Variants in SLC2A10 observed in about 807,000 individuals in gnomAD.
The protein encoded by SLC2A10 is solute carrier family 2, facilitated glucose transporter member 10.
SLC2A10 carries 25 observed loss-of-function variants against 32.1 expected under a neutral mutation model. That is an observed-to-expected ratio of 0.78 (90% CI 0.57 to 1.09). SLC2A10 has a LOEUF of 1.09. SLC2A10 is among the 50% of genes least tolerant of loss of function. SLC2A10 has a pLI of 0.00. For synonymous variants in SLC2A10, 332 were observed against 309.6 expected (o/e 1.07, Z -0.76); for missense variants, 673 against 686.5 (o/e 0.98, Z 0.22).
upstream of SLC2A10, chr20:46,709,338 T>G (rs1389843908): frequency 3.6e-6 from 1 of 278,318 alleles, no homozygotes; most frequent in Non-Finnish European, 6.6e-6. Context: ...GGGCACCTCT[T>G]CCCTGCAAAG....
chr20:46,724,463 T>C (rs1979728554), intron 1 of SLC2A10, among the ~76,000 whole-genome samples: 1 of 152,072 alleles, frequency 6.6e-6, no homozygotes, highest in African/African-American at 2.4e-5. Flanking sequence ...AATTAAGGTA[T>C]AGATAAATGG....
intron 3 of SLC2A10, among the ~76,000 whole-genome samples, chr20:46,727,859 AT>A (rs1240652556): frequency 1.3e-5 from 2 of 152,014 alleles, no homozygotes; most frequent in Non-Finnish European, 2.9e-5. Flanking sequence ...GGGTTCAGTT[AT>A]TTTCCTATTC....
Position 46,729,463 on chromosome 20 carries a change from A to G in SLC2A10, c.1522A>G (p.Ile508Val), listed in dbSNP as rs1176369590. The G allele has an allele frequency of 1.2e-6, 2 of 1,613,900 alleles. No individual in the cohort carries two copies. The highest frequency in any genetic ancestry group is 1.7e-5 in the Admixed American group (1 of 60,000). ...AACAAAAGGCCAGTCGTTGGCAGAG[A>G]TAGACCAGCAGTTCCAGAAGAGACG... Reference protein sequence around the residue: ...PETKGQSLAEIDQQFQKRRFT... With the variant: ...PETKGQSLAEVDQQFQKRRFT... Residue 508 changes from isoleucine (I) to valine (V), a missense_variant, in exon 4 of 5, where the codon ATA becomes GTA. Ile to Val is a conservative substitution (Grantham distance 29). Transcript: ENST00000359271.
rs745766872 is a variant in SLC2A10 at position 46,725,999 on chromosome 20, G to A, written c.963G>A (p.Val321=). 2 of 1,613,790 alleles carry A rather than the reference G, an allele frequency of 1.2e-6. No individual in the cohort carries two copies. The highest frequency in any genetic ancestry group is 8.5e-7 in the Non-Finnish European group (1 of 1,180,046). The change falls in exon 2 of 5, where the codon GTG becomes GTA. Residue 321 remains valine, a synonymous_variant. Coordinates refer to ENST00000359271, the MANE Select transcript of SLC2A10 (RefSeq NM_030777.4). ...GCATAGGCCTCGTCAGCTTTGCCGT[G>A]CCCATGGACTCAGGCCCAAGCTGTC... The part of the protein sequence containing the change: ...VSGIGLVSFA[V]PMDSGPSCLA...
chr20:46,709,710 C>T lies in SLC2A10; in HGVS notation c.-27C>T, dbSNP rs149481442. 22,236 of 1,541,988 alleles carry T rather than the reference C, an allele frequency of 0.014. 187 individuals are homozygous for T. Among genetic ancestry groups the T allele is most frequent in the Middle Eastern group, 0.022 (100 of 4,614 alleles). On this transcript the variant is annotated 5_prime_UTR_variant, in exon 1 of 5. Coordinates refer to ENST00000359271, the MANE Select transcript of SLC2A10 (RefSeq NM_030777.4). ...ATGCGCGCCCGGCCCCTCAGCGCCCCCAGCACGCCGCCGAGTCCCGCTCGC... is the reference window on the plus strand; with the variant it reads ...ATGCGCGCCCGGCCCCTCAGCGCCCTCAGCACGCCGCCGAGTCCCGCTCGC...
At position 46,733,759 on chromosome 20, in the gene SLC2A10, C is replaced by G; in HGVS notation, c.1551C>G (p.Phe517Leu). Reference sequence around the variant, plus strand: ...CCACGCATTCTTTGTCTGACAGGTTCACCCTGAGCTTTGGCCACAGGCAGA... The same window carrying G: ...CCACGCATTCTTTGTCTGACAGGTTGACCCTGAGCTTTGGCCACAGGCAGA... ...EIDQQFQKRR[F>L]TLSFGHRQNS... The change falls in exon 5 of 5, where the codon TTC (phenylalanine) becomes TTG (leucine). Residue 517 changes from phenylalanine (F) to leucine (L), a missense_variant. By Grantham distance (22) the Phe-to-Leu change is conservative (BLOSUM62 0). Transcript: ENST00000359271. 6.2e-7 allele frequency: 1 copy of G among 1,614,024 alleles called. No homozygotes were observed. Among genetic ancestry groups the G allele is most frequent in the East Asian group, 2.2e-5 (1 of 44,880 alleles).
At chr20:46,721,478 T>C (rs888235664) in intron 1 of SLC2A10, among the ~76,000 whole-genome samples, 1 of 151,908 alleles carries the variant, frequency 6.6e-6, no homozygotes, top group Non-Finnish European at 1.5e-5. Context: ...TTGCAGGTTT[T>C]TCCATGAGTC....
intron 1 of SLC2A10, among the ~76,000 whole-genome samples, chr20:46,721,917 C>T (rs961056838): frequency 3.3e-5 from 5 of 152,178 alleles, no homozygotes; most frequent in Admixed American, 1.3e-4. Flanking sequence ...GGAAAAGATT[C>T]CAGGCAGACA....
In SLC2A10 at chr20:46,726,876, T is replaced by C. The variant is rs1323271310; in HGVS notation, c.1301T>C (p.Val434Ala). ...TCTCCCACCCTAGTGACCTGGCTTG[T>C]CCTCAGCGAGATCTACCCTGTGGAG... ...SFGFGPVTWL[V>A]LSEIYPVEIR... Residue 434 changes from valine to alanine, a missense_variant, in exon 3 of 5, where the codon GTC becomes GCC. Coordinates refer to ENST00000359271, the MANE Select transcript of SLC2A10 (RefSeq NM_030777.4). 6.3e-7 allele frequency: 1 copy of C among 1,599,020 alleles called. No individual in the cohort carries two copies. The highest frequency in any genetic ancestry group is 1.1e-5 in the South Asian group (1 of 90,536).
Position 46,726,196 on chromosome 20 carries a change from C to T in SLC2A10, c.1160C>T (p.Pro387Leu). 2 of 1,614,210 alleles carry T rather than the reference C, an allele frequency of 1.2e-6. No homozygotes were observed. The highest frequency in any genetic ancestry group is 1.1e-5 in the South Asian group (1 of 91,090). Residue 387 changes from proline (P) to leucine (L), a missense_variant, in exon 2 of 5, where the codon CCT becomes CTT. Physicochemically the swap from Pro to Leu is moderately conservative, Grantham distance 98 (BLOSUM62 -3). Coordinates refer to ENST00000359271, the MANE Select transcript of SLC2A10 (RefSeq NM_030777.4). ...HPRSGDPSAP[P>L]RLALSSALPG... ...AGATCTGGAGACCCCTCAGCCCCTC[C>T]TCGGCTGGCCCTGAGCTCTGCCCTC...
intron 1 of SLC2A10, among the ~76,000 whole-genome samples, chr20:46,715,964 T>A (rs544935894): frequency 1.3e-5 from 2 of 152,092 alleles, no homozygotes; most frequent in South Asian, 4.2e-4. Context: ...CTAGAGTAGC[T>A]GGGACTACAG....
chr20:46,726,492 G>C (rs1600669049), intron 2 of SLC2A10, among the ~76,000 whole-genome samples, 168 bp downstream of exon 2: 1 of 152,298 alleles, frequency 6.6e-6, no homozygotes, highest in African/African-American at 2.4e-5. Flanking sequence ...TCCTCCCAGG[G>C]CCAGTGCCTA....
rs1440528990 is a variant in SLC2A10, at chr20:46,736,329, G to A, written c.*2495G>A. ...CAATAAAGAGTATTTACAATAAAGA[G>A]TTTGTTATTATTTGTAAATTGTGTG... On this transcript the variant is annotated 3_prime_UTR_variant, in exon 5 of 5. Coordinates refer to ENST00000359271, the MANE Select transcript of SLC2A10 (RefSeq NM_030777.4). 1 of 152,016 alleles carries A rather than the reference G, an allele frequency of 6.6e-6. No homozygotes were observed. The highest frequency in any genetic ancestry group is 1.9e-4 in the East Asian group (1 of 5,184). The allele number at this position is 152,016 out of a possible 1,614,324, so 9.4% of individuals were successfully genotyped here.
chr20:46,735,550 A>G lies in SLC2A10; in HGVS notation c.*1716A>G, dbSNP rs1980525751. On this transcript the variant is annotated 3_prime_UTR_variant, in exon 5 of 5. Transcript: ENST00000359271. Reference sequence around the variant, plus strand: ...TTTCTACATAGTAACTCTTATGGAGACCTAGGGGAGACACCGCGCATCTCT... The same window carrying G: ...TTTCTACATAGTAACTCTTATGGAGGCCTAGGGGAGACACCGCGCATCTCT... 6.6e-6 allele frequency: 1 copy of G among 152,072 alleles called. No individual in the cohort carries two copies. Among genetic ancestry groups the G allele is most frequent in the Non-Finnish European group, 1.5e-5 (1 of 68,004 alleles). The allele number at this position is 152,072 out of a possible 1,614,324, so 9.4% of individuals were successfully genotyped here. A position where few individuals can be genotyped will look rare whatever the true frequency, so the allele number is the denominator to read the frequency against.
Position 46,734,179 on chromosome 20 carries a change from A to T in SLC2A10, c.*345A>T. Reference sequence around the variant, plus strand: ...TCTCAAGGGTACCAATCCTGGCAGGAAGTCTCTCCCGATATCACCCCTAAA... The same window carrying T: ...TCTCAAGGGTACCAATCCTGGCAGGTAGTCTCTCCCGATATCACCCCTAAA... On this transcript the variant is annotated 3_prime_UTR_variant, in exon 5 of 5. Coordinates refer to ENST00000359271, the MANE Select transcript of SLC2A10 (RefSeq NM_030777.4). 2.6e-6 allele frequency: 1 copy of T among 381,842 alleles called. No homozygotes were observed. The highest frequency in any genetic ancestry group is 2.1e-5 in the African/African-American group (1 of 48,608). 23.7% of individuals were successfully genotyped at this position (381,842 alleles called of 1,614,324 possible).
rs372166877 is a variant in SLC2A10, at chr20:46,725,155, T to C, written c.119T>C (p.Phe40Ser). The C allele has an allele frequency of 5.4e-5, 87 of 1,614,048 alleles. No individual in the cohort carries two copies. The highest frequency in any genetic ancestry group is 7.0e-5 in the Non-Finnish European group (83 of 1,180,034). ...SGALLPLQLD[F>S]GLSCLEQEFL... Reference sequence around the variant, plus strand: ...GCCCTGCTGCCACTGCAGCTTGACTTTGGGCTAAGCTGCTTGGAGCAGGAG... The same window carrying C: ...GCCCTGCTGCCACTGCAGCTTGACTCTGGGCTAAGCTGCTTGGAGCAGGAG... Residue 40 changes from phenylalanine (F) to serine (S), a missense_variant, in exon 2 of 5, where the codon TTT (phenylalanine) becomes TCT (serine). Physicochemically the swap from Phe to Ser is radical, Grantham distance 155. Transcript: ENST00000359271.
rs1980441650 is a variant in SLC2A10 at position 46,734,014 on chromosome 20, A to AAG, written c.*180_*181insAG. On this transcript the variant is annotated 3_prime_UTR_variant, in exon 5 of 5. Transcript: ENST00000359271. ...AAAGTCTGAGAATGCCCAACTCTTC[A>AAG]TTTTGAGTCTCAGGCCCTGAAGGTT... The AAG allele has an allele frequency of 3.0e-6, 2 of 668,532 alleles. No individual in the cohort carries two copies. Among genetic ancestry groups the AAG allele is most frequent in the African/African-American group, 3.6e-5 (2 of 56,288 alleles). The allele number at this position is 668,532 out of a possible 1,614,324, so 41.4% of individuals were successfully genotyped here. A position where few individuals can be genotyped will look rare whatever the true frequency, so the allele number is the denominator to read the frequency against.
rs775706911 is a variant in SLC2A10 at position 46,725,743 on chromosome 20, T to A, written c.707T>A (p.Leu236Gln). The change falls in exon 2 of 5, where the codon CTG becomes CAG. Residue 236 changes from leucine to glutamine, a missense_variant. Leu to Gln is a moderately radical substitution (Grantham distance 113). Transcript: ENST00000359271. ...ATGCGAGGCCGGACCACAGTGGGCC[T>A]GGGGCTGGTGCTCTTCCAGCAACTA... ...DNMRGRTTVG[L>Q]GLVLFQQLTG... 1 of 1,614,174 alleles carries A rather than the reference T, an allele frequency of 6.2e-7. No homozygotes were observed. The highest frequency in any genetic ancestry group is 1.1e-5 in the South Asian group (1 of 91,090).
At chr20:46,730,234 G>A (rs1980224008) in intron 4 of SLC2A10, among the ~76,000 whole-genome samples, 1 of 152,192 alleles carries the variant, frequency 6.6e-6, no homozygotes, top group Non-Finnish European at 1.5e-5. Flanking sequence ...GCCAGACAGT[G>A]TTCAGAGCCT....
Sources: allele counts gnomAD v4.1 joint callset (sites outside exome capture counted in the v4.1 genomes callset), GRCh38; gene constraint gnomAD v4.1.1; transcripts MANE v1.5; gene names NCBI Gene and HGNC (gene_info 2026-07-23, HGNC 2026-07-21).